LEP: variants seen among roughly 807,000 people sequenced by gnomAD.
LEP encodes leptin.
In LEP, 6 loss-of-function variants were observed where a neutral mutation model predicts 9.8. That is an observed-to-expected ratio of 0.61 (90% CI 0.34 to 1.21). The LOEUF (loss-of-function observed/expected upper bound fraction) is 1.21. Among genes scored for constraint, LEP ranks in the 50% most tolerant of loss-of-function variants. LEP has a pLI of 0.04. For synonymous variants in LEP, 112 were observed against 81.7 expected, an observed-to-expected ratio of 1.37 and a Z score of -2.00; for missense variants, 134 against 198.1, an observed-to-expected ratio of 0.68 and a Z score of 1.94.
At position 128,254,724 on chromosome 7, in the gene LEP, G is replaced by A; in HGVS notation, c.465G>A (p.Gln155=). 1.2e-6 allele frequency: 2 copies of A among 1,612,974 alleles called. No individual in the cohort carries two copies. Among genetic ancestry groups the A allele is most frequent in the Non-Finnish European group, 1.7e-6 (2 of 1,179,990 alleles). The change falls in exon 3 of 3, where the codon CAG becomes CAA. Residue 155 remains glutamine (Q), a synonymous_variant. Transcript: ENST00000308868. ...VALSRLQGSL[Q]DMLWQLDLSP... is the part of the protein sequence containing the mutation. The stretch of plus-strand genomic sequence containing the variant: ...TGAGCAGGCTGCAGGGGTCTCTGCA[G>A]GACATGCTGTGGCAGCTGGACCTCA...
At chr7:128,245,926 G>A (rs180675592) in intron 1 of LEP, among the ~76,000 whole-genome samples, 4 of 152,032 alleles carry the variant, frequency 2.6e-5, no homozygotes, top group Admixed American at 2.6e-4. Flanking sequence ...GCCAGGTGCG[G>A]TGGTGGGCGC....
At chr7:128,247,682 G>T (rs1178012966) in intron 1 of LEP, among the ~76,000 whole-genome samples, 1 of 152,194 alleles carries the variant, frequency 6.6e-6, no homozygotes, top group African/African-American at 2.4e-5. Context: ...ATGCCTCCCT[G>T]ATTCCCCTGC....
In LEP at chr7:128,254,922, C is replaced by T. The variant is rs550735439; in HGVS notation, c.*159C>T. ...AGCCACTCTTCCAAAGGCATAAGAC[C>T]CTAAGCCTCCTTTTGCTTGAAACCA... On this transcript the variant is annotated 3_prime_UTR_variant, in exon 3 of 3. Transcript: ENST00000308868. 6.5e-6 allele frequency: 5 copies of T among 767,510 alleles called. No individual in the cohort carries two copies. Among genetic ancestry groups the T allele is most frequent in the Admixed American group, 2.2e-5 (1 of 45,418 alleles). 47.5% of individuals were successfully genotyped at this position (767,510 alleles called of 1,614,324 possible).
At chr7:128,247,444 T>C (rs958144041) in intron 1 of LEP, among the ~76,000 whole-genome samples, 1 of 152,096 alleles carries the variant, frequency 6.6e-6, no homozygotes, top group African/African-American at 2.4e-5. Context: ...AAACATTTGC[T>C]CCTCAGGGTG....
chr7:128,247,660 A>T (rs1183557298), intron 1 of LEP, among the ~76,000 whole-genome samples: 2 of 152,124 alleles, frequency 1.3e-5, no homozygotes. Flanking sequence ...ATCAAATGCC[A>T]TCTCCTCCAT....
In LEP at chr7:128,255,416, A is replaced by C. The variant is rs201341056; in HGVS notation, c.*653A>C. 5.2e-5 allele frequency: 8 copies of C among 153,736 alleles called. No individual in the cohort carries two copies. The highest frequency in any genetic ancestry group is 1.2e-4 in the Non-Finnish European group (8 of 69,100). The allele number at this position is 153,736 out of a possible 1,614,324, so 9.5% of individuals were successfully genotyped here. A position where few individuals can be genotyped will look rare whatever the true frequency, so the allele number is the denominator to read the frequency against. Reference sequence around the variant, plus strand: ...TTTGAGTGACTCGAGGGTTGGGTTCATCTGAGCAAGAGCTGGCAAAGGTGG... The same window carrying C: ...TTTGAGTGACTCGAGGGTTGGGTTCCTCTGAGCAAGAGCTGGCAAAGGTGG... On this transcript the variant is annotated 3_prime_UTR_variant, in exon 3 of 3. Coordinates refer to ENST00000308868, the MANE Select transcript of LEP (RefSeq NM_000230.3).
chr7:128,245,985 C>T (rs1215428381), intron 1 of LEP, among the ~76,000 whole-genome samples: 1 of 151,778 alleles, frequency 6.6e-6, no homozygotes, highest in Non-Finnish European at 1.5e-5. Context: ...GCAGGAGAAT[C>T]GCTTGAACCC....
chr7:128,249,316 G>T (rs563092517), intron 1 of LEP, among the ~76,000 whole-genome samples: 66 of 152,232 alleles, frequency 4.3e-4, no homozygotes, highest in Non-Finnish European at 7.3e-4. Flanking sequence ...TGGCATCTCA[G>T]CTCCATCAAC....
intron 1 of LEP, among the ~76,000 whole-genome samples, chr7:128,247,486 G>A (rs1339390280): frequency 6.6e-6 from 1 of 152,142 alleles, no homozygotes; most frequent in Non-Finnish European, 1.5e-5. Context: ...CCTTCCTGGT[G>A]CTCACTGCCC....
rs77515392 is a variant in LEP, at chr7:128,253,186, T to G, written c.144+1024T>G. ...CAGAAGCATCTCCTCAGGGCCTCTA[T>G]CCCATCTCTAGATGTGCTTGTCATT... On this transcript the variant is annotated intron_variant, in intron 2 of 2. Transcript: ENST00000308868. Among the ~76,000 whole-genome samples, 516 of 152,290 alleles carry G rather than the reference T, an allele frequency of 3.4e-3. 2 individuals carry two copies. The highest frequency in any genetic ancestry group is 0.025 in the East Asian group (129 of 5,180).
At chr7:128,246,698 A>G (rs1795215489) in intron 1 of LEP, among the ~76,000 whole-genome samples, 1 of 151,826 alleles carries the variant, frequency 6.6e-6, no homozygotes, top group Admixed American at 6.6e-5. Context: ...CCTGGGCTCA[A>G]GCGATCCTCC....
chr7:128,255,439 T>G lies in LEP; in HGVS notation c.*676T>G, dbSNP rs1251947336. 6.5e-6 allele frequency: 1 copy of G among 153,188 alleles called. No individual in the cohort carries two copies. Among genetic ancestry groups the G allele is most frequent in the Admixed American group, 6.5e-5 (1 of 15,458 alleles). The allele number at this position is 153,188 out of a possible 1,614,324, so 9.5% of individuals were successfully genotyped here. A position where few individuals can be genotyped will look rare whatever the true frequency, so the allele number is the denominator to read the frequency against. ...TCATCTGAGCAAGAGCTGGCAAAGG[T>G]GGCTCTCCAGTTAGTTCTCTCGTAA... On this transcript the variant is annotated 3_prime_UTR_variant, in exon 3 of 3. Transcript: ENST00000308868.
At chr7:128,254,233 G>C (rs1795308604) in intron 2 of LEP, among the ~76,000 whole-genome samples, 171 bp from the exon 3 acceptor site, 1 of 152,184 alleles carries the variant, frequency 6.6e-6, no homozygotes, top group African/African-American at 2.4e-5. Flanking sequence ...CAGCTTAGAG[G>C]CTTGGCAGTC....
At chr7:128,243,769 G>T (rs1353930300) in intron 1 of LEP, among the ~76,000 whole-genome samples, 1 of 152,226 alleles carries the variant, frequency 6.6e-6, no homozygotes, top group African/African-American at 2.4e-5. Flanking sequence ...TGCAGATCGA[G>T]AATGGGAAAT....
At position 128,255,354 on chromosome 7, in the gene LEP, C is replaced by A. The variant is rs111880866; in HGVS notation, c.*591C>A. The A allele has an allele frequency of 3.3e-3, 523 of 157,696 alleles. 6 individuals carry two copies. The highest frequency in any genetic ancestry group is 0.01 in the African/African-American group (428 of 41,592). 9.8% of individuals were successfully genotyped at this position (157,696 alleles called of 1,614,324 possible). A position where few individuals can be genotyped will look rare whatever the true frequency, so the allele number is the denominator to read the frequency against. On this transcript the variant is annotated 3_prime_UTR_variant, in exon 3 of 3. Transcript: ENST00000308868. ...CAGGGGTCTCCCTGGAGTGCAGTTT[C>A]CAATCCCATAGATGGGTCTGGCTGA... is the stretch of plus-strand genomic sequence containing the variant.
At chr7:128,245,579 G>A (rs537238364) in intron 1 of LEP, among the ~76,000 whole-genome samples, 3 of 152,330 alleles carry the variant, frequency 2.0e-5, no homozygotes, top group African/African-American at 4.8e-5. Flanking sequence ...GATCCCACAG[G>A]AGAATGTGTA....
intron 1 of LEP, among the ~76,000 whole-genome samples, chr7:128,245,530 A>AAAGG (rs553761695): frequency 2.0e-5 from 3 of 152,152 alleles, no homozygotes; most frequent in Non-Finnish European, 4.4e-5. Flanking sequence ...AGTTATGAAG[A>AAAGG]AAGGAAGGAA....
At chr7:128,250,317 G>T (rs999489105) in intron 1 of LEP, among the ~76,000 whole-genome samples, 1 of 152,104 alleles carries the variant, frequency 6.6e-6, no homozygotes, top group African/African-American at 2.4e-5. Flanking sequence ...CAAATTACTT[G>T]GTACATAGTA....
intron 1 of LEP, among the ~76,000 whole-genome samples, chr7:128,244,533 C>T (rs1042089001): frequency 3.3e-5 from 5 of 152,210 alleles, no homozygotes; most frequent in Non-Finnish European, 5.9e-5. Context: ...GCATTACCCA[C>T]GGTAAGGGTG....
Sources: allele counts gnomAD v4.1 joint callset (sites outside exome capture counted in the v4.1 genomes callset), GRCh38; gene constraint gnomAD v4.1.1; transcripts MANE v1.5; gene names NCBI Gene and HGNC (gene_info 2026-07-23, HGNC 2026-07-21).